The following KDM4C variants were observed in gnomAD, a reference collection of about 807,000 sequenced individuals.
KDM4C encodes lysine demethylase 4C.
Under a neutral mutation model 129.3 loss-of-function variants are expected in KDM4C, and 81 were observed. The ratio of observed to expected loss-of-function variants is 0.63; its 90% confidence interval spans 0.52 to 0.75. The LOEUF (loss-of-function observed/expected upper bound fraction) is 0.75, where lower values mean the gene tolerates loss of function less well. Among genes scored for constraint, KDM4C ranks in the 30% least tolerant of loss-of-function variants. KDM4C has a pLI of 0.00. For synonymous variants in KDM4C, 573 were observed against 456.1 expected (o/e 1.26, Z -3.26); for missense variants, 1,457 against 1,304.0 (o/e 1.12, Z -1.81).
chr9:6,762,557 C>A (rs1278647574), intron 1 of KDM4C, among the ~76,000 whole-genome samples: 1 of 150,816 alleles, frequency 6.6e-6, no homozygotes, highest in East Asian at 1.9e-4. Context: ...CAAATGTAGA[C>A]CATTTTGTGG....
intron 4 of KDM4C, among the ~76,000 whole-genome samples, chr9:6,833,304 A>G (rs1439119960): frequency 1.3e-5 from 2 of 152,118 alleles, no homozygotes; most frequent in Non-Finnish European, 2.9e-5. Flanking sequence ...CTATGCCAGT[A>G]TTTTTAAAAA....
Position 6,742,526 on chromosome 9 carries a change from A to T in KDM4C, c.49+21529A>T, listed in dbSNP as rs890417481. Among the ~76,000 whole-genome samples the T allele has an allele frequency of 2.7e-5, 4 of 149,762 alleles. No individual in the cohort carries two copies. In the South Asian group the frequency reaches 8.4e-4, roughly 32 times the overall value. On this transcript the variant is annotated intron_variant, in intron 1 of 17. Transcript: ENST00000536108. Reference sequence around the variant, plus strand: ...GTATCAGTTATTGTCTTTTGCCAAAATTTAGAAAATTTTTAGCCATTGTTT... The same window carrying T: ...GTATCAGTTATTGTCTTTTGCCAAATTTTAGAAAATTTTTAGCCATTGTTT...
intron 8 of KDM4C, among the ~76,000 whole-genome samples, chr9:6,919,255 C>CTTTCTTTCTTTCTTTAT (rs1554643790): frequency 9.6e-4 from 118 of 122,620 alleles, no homozygotes; most frequent in African/African-American, 3.7e-3. Flanking sequence ...TCTTTTCTTT[C>CTTTCTTTCTTTCTTTAT]TTTCTTTCTT....
At chr9:6,881,496 T>C (rs1310696686) in intron 6 of KDM4C, among the ~76,000 whole-genome samples, 1 of 152,210 alleles carries the variant, frequency 6.6e-6, no homozygotes, top group African/African-American at 2.4e-5. Flanking sequence ...TCAACTGTCT[T>C]CTTCTCTGTA....
upstream of KDM4C, among the ~76,000 whole-genome samples, chr9:6,757,040 T>TA (rs200741742): frequency 1.1e-4 from 16 of 150,700 alleles, no homozygotes; most frequent in Admixed American, 2.0e-4. Context: ...GTAGGAAGTT[T>TA]AAAAAAAAAA....
rs1421101476 is a variant in KDM4C, at chr9:7,005,538, C to T, written c.1787-6160C>T. 6.3e-3 allele frequency among the ~76,000 whole-genome samples: 950 copies of T among 151,806 alleles called. 10 individuals carry two copies. The highest frequency in any genetic ancestry group is 0.022 in the African/African-American group (913 of 41,364). On this transcript the variant is annotated intron_variant, in intron 12 of 21. Coordinates refer to ENST00000381309, the MANE Select transcript of KDM4C (RefSeq NM_015061.6). ...ATTTATTTAACTAAAGGTAAGGGGA[C>T]TAGGCTGCCTTCAGCCAGATTTATT... is the stretch of plus-strand genomic sequence containing the variant.
At chr9:6,806,233 GCCTGTAAT>G (rs1381930976) in intron 3 of KDM4C, among the ~76,000 whole-genome samples, 3 of 152,138 alleles carry the variant, frequency 2.0e-5, no homozygotes, top group Non-Finnish European at 4.4e-5. Flanking sequence ...GGTGGCTCAT[GCCTGTAAT>G]CCCAGTACTT....
intron 16 of KDM4C, among the ~76,000 whole-genome samples, chr9:7,047,355 T>G (rs1829550451): frequency 6.6e-6 from 1 of 151,984 alleles, no homozygotes; most frequent in Non-Finnish European, 1.5e-5. Context: ...CATTAGCAAA[T>G]TTATGAGAAT....
At position 6,811,705 on chromosome 9, in the gene KDM4C, C is replaced by T. The variant is rs537668148; in HGVS notation, c.321-2926C>T. On this transcript the variant is annotated intron_variant, in intron 3 of 21. Transcript: ENST00000381309. ...CTCACAACAAGCTTCCTGTTTTTAT[C>T]CCTATTTTTTAGAAGAATAACTGAG... Among the ~76,000 whole-genome samples, 174 of 152,242 alleles carry T rather than the reference C, an allele frequency of 1.1e-3. 4 individuals are homozygous for T. In the South Asian group the frequency reaches 0.028, roughly 25 times the overall value.
At chr9:6,949,118 C>G (rs549966613) in intron 8 of KDM4C, among the ~76,000 whole-genome samples, 1 of 151,188 alleles carries the variant, frequency 6.6e-6, no homozygotes, top group South Asian at 2.1e-4. Context: ...AGACGCTCCT[C>G]ACTTCCCAGA....
intron 18 of KDM4C, among the ~76,000 whole-genome samples, chr9:7,124,043 A>C (rs950430290): frequency 6.6e-6 from 1 of 152,156 alleles, no homozygotes. Flanking sequence ...GCTCCCAATG[A>C]GGCTGGGCCT....
chr9:6,797,578 C>CT (rs1827990308), intron 2 of KDM4C, among the ~76,000 whole-genome samples: 1 of 152,140 alleles, frequency 6.6e-6, no homozygotes, highest in Non-Finnish European at 1.5e-5. Flanking sequence ...TTATGATGAA[C>CT]TTTTTTTATA....
At chr9:6,921,872 A>G (rs574494418) in intron 8 of KDM4C, among the ~76,000 whole-genome samples, 3 of 152,170 alleles carry the variant, frequency 2.0e-5, no homozygotes, top group African/African-American at 7.2e-5. Context: ...TTAATGCCCT[A>G]GGTCCCCCAG....
At chr9:6,807,614 C>G (rs1326692825) in intron 3 of KDM4C, among the ~76,000 whole-genome samples, 1 of 150,558 alleles carries the variant, frequency 6.6e-6, no homozygotes, top group Non-Finnish European at 1.5e-5. Context: ...CCCAGCCGCC[C>G]CGTCTGAGAA....
chr9:7,071,398 A>G (rs923617062), intron 17 of KDM4C, among the ~76,000 whole-genome samples: 1 of 152,200 alleles, frequency 6.6e-6, no homozygotes, highest in Non-Finnish European at 1.5e-5. Flanking sequence ...AATGCTTATT[A>G]TAAAGCTACA....
chr9:6,856,012 A>G (rs1839745770), intron 5 of KDM4C, among the ~76,000 whole-genome samples: 2 of 152,124 alleles, frequency 1.3e-5, no homozygotes, highest in South Asian at 4.1e-4. Flanking sequence ...AAGTGCTGGG[A>G]TTATAGGCGT....
At chr9:6,791,066 T>C (rs181764213) in intron 1 of KDM4C, among the ~76,000 whole-genome samples, 88 of 152,306 alleles carry the variant, frequency 5.8e-4, no homozygotes, top group African/African-American at 2.0e-3. Context: ...TACCTTCTTA[T>C]AAGACTTAAC....
At chr9:6,849,949 A>G (rs1426296208) in intron 5 of KDM4C, among the ~76,000 whole-genome samples, 2 of 152,250 alleles carry the variant, frequency 1.3e-5, no homozygotes, top group Non-Finnish European at 2.9e-5. Flanking sequence ...GACCACAGAT[A>G]CAACGGTCAT....
Position 6,958,084 on chromosome 9 carries a change from CTT to C in KDM4C, c.922-22828_922-22827del, listed in dbSNP as rs34489986. On this transcript the variant is annotated intron_variant, in intron 8 of 21. Coordinates refer to ENST00000381309, the MANE Select transcript of KDM4C (RefSeq NM_015061.6). ...CTGAGGGTTTGCTTCAGCAAAGTAG[CTT>C]TTTTTTTTTTTTAATAATTGCTTGT... is the stretch of plus-strand genomic sequence containing the variant. 5.2e-4 allele frequency among the ~76,000 whole-genome samples: 75 copies of C among 144,138 alleles called. 1 individual carries two copies. The highest frequency in any genetic ancestry group is 7.3e-3 in the Middle Eastern group (2 of 274). 94.6% of individuals were successfully genotyped at this position (144,138 alleles called of 152,430 possible). A position where few individuals can be genotyped will look rare whatever the true frequency, so the allele number is the denominator to read the frequency against.
Sources: allele counts gnomAD v4.1 joint callset (sites outside exome capture counted in the v4.1 genomes callset), GRCh38; gene constraint gnomAD v4.1.1; transcripts MANE v1.5; gene names NCBI Gene and HGNC (gene_info 2026-07-23, HGNC 2026-07-21).